GRID2: variants seen among roughly 807,000 people sequenced by gnomAD.
GRID2 encodes glutamate ionotropic receptor delta type subunit 2.
Under a neutral mutation model 114.8 loss-of-function variants are expected in GRID2, and 33 were observed. The ratio of observed to expected loss-of-function variants is 0.29; its 90% CI spans 0.22 to 0.38. The LOEUF (loss-of-function observed/expected upper bound fraction) is 0.38. Ranked by LOEUF, GRID2 falls within the 10% of genes least tolerant of loss-of-function variation. The pLI is 1.00. For synonymous variants in GRID2, 505 were observed against 449.9 expected, an observed-to-expected ratio of 1.12 and a Z score of -1.55; for missense variants, 1,184 against 1,257.7, an observed-to-expected ratio of 0.94 and a Z score of 0.89.
chr4:93,792,604 C>T (rs184651696), intron 1 of GRID2, among the ~76,000 whole-genome samples: 1 of 152,218 alleles, frequency 6.6e-6, no homozygotes, highest in African/African-American at 2.4e-5. Flanking sequence ...CCCTACCACA[C>T]CCCTTTCACC....
At chr4:92,428,086 TC>T (rs1389044561) in intron 1 of GRID2, among the ~76,000 whole-genome samples, 18 of 151,650 alleles carry the variant, frequency 1.2e-4, no homozygotes, top group African/African-American at 3.9e-4. Context: ...CACGGTGAAA[TC>T]CCGTCTCTAC....
At chr4:93,102,157 C>G (rs927767562) in intron 3 of GRID2, among the ~76,000 whole-genome samples, 1 of 152,192 alleles carries the variant, frequency 6.6e-6, no homozygotes, top group Admixed American at 6.5e-5. Context: ...TAGGGAACAG[C>G]TGCCTTGCCT....
chr4:92,490,845 T>A (rs1001939289), intron 1 of GRID2, among the ~76,000 whole-genome samples: 1 of 152,018 alleles, frequency 6.6e-6, no homozygotes, highest in Non-Finnish European at 1.5e-5. Context: ...AGAAACAAAT[T>A]TAAAATACCA....
chr4:93,206,114 G>A (rs989383428), intron 4 of GRID2, among the ~76,000 whole-genome samples: 1 of 151,736 alleles, frequency 6.6e-6, no homozygotes, highest in Non-Finnish European at 1.5e-5. Context: ...ATAAAGCTTA[G>A]AAGTAGATAA....
chr4:93,524,159 T>G (rs1730606698), intron 13 of GRID2, among the ~76,000 whole-genome samples: 1 of 152,008 alleles, frequency 6.6e-6, no homozygotes, highest in South Asian at 2.1e-4. Context: ...ATAAACAAAC[T>G]GAAAATGGCT....
intron 8 of GRID2, among the ~76,000 whole-genome samples, chr4:93,302,416 C>G (rs1754972516): frequency 6.6e-6 from 1 of 152,204 alleles, no homozygotes; most frequent in Non-Finnish European, 1.5e-5. Context: ...AATACAGCAG[C>G]CAGGGGTCTT....
Position 92,713,171 on chromosome 4 carries a change from G to A in GRID2, c.244+122885G>A, listed in dbSNP as rs1163530266. ...CTCCCCCCACCCCACAACAGGCCCC[G>A]GTATGTGATGTTCATAGGTGGGAAT... On this transcript the variant is annotated intron_variant, in intron 2 of 15. Transcript: ENST00000282020. Among the ~76,000 whole-genome samples, 12 of 146,574 alleles carry A rather than the reference G, an allele frequency of 8.2e-5. No homozygotes were observed. The South Asian group carries it at 1.8e-3, about 22-fold the overall frequency.
At chr4:92,802,289 GAC>G (rs1740210046) in intron 2 of GRID2, among the ~76,000 whole-genome samples, 1 of 151,796 alleles carries the variant, frequency 6.6e-6, no homozygotes, top group African/African-American at 2.4e-5. Context: ...TACTTACATT[GAC>G]ACATTATTAT....
At chr4:93,216,181 A>G (rs1318152736) in intron 5 of GRID2, among the ~76,000 whole-genome samples, 1 of 110,284 alleles carries the variant, frequency 9.1e-6, no homozygotes, top group African/African-American at 3.9e-5. Flanking sequence ...CAACAATTCT[A>G]ATAAATTATT....
chr4:92,461,192 T>C (rs531899866), intron 1 of GRID2, among the ~76,000 whole-genome samples: 54 of 152,102 alleles, frequency 3.6e-4, no homozygotes, highest in African/African-American at 1.3e-3. Context: ...ACATCAAGTA[T>C]ACCCATTAAA....
chr4:93,463,077 C>T (rs1475377568), intron 11 of GRID2, among the ~76,000 whole-genome samples: 1 of 152,118 alleles, frequency 6.6e-6, no homozygotes, highest in Non-Finnish European at 1.5e-5. Flanking sequence ...CAGTCCTTAA[C>T]AAAGGGACCA....
intron 2 of GRID2, among the ~76,000 whole-genome samples, chr4:92,889,867 T>C (rs971637111): frequency 4.6e-5 from 7 of 152,050 alleles, no homozygotes; most frequent in African/African-American, 1.7e-4. Flanking sequence ...CTTCAAACTA[T>C]ACTACAAGGC....
intron 4 of GRID2, among the ~76,000 whole-genome samples, chr4:93,134,523 G>T (rs185028605): frequency 6.6e-6 from 1 of 152,122 alleles, no homozygotes; most frequent in East Asian, 1.9e-4. Flanking sequence ...AAGAAAACTT[G>T]CTGGATATCA....
chr4:92,365,477 G>GGGTGGTGCT (rs1480757479), intron 1 of GRID2, among the ~76,000 whole-genome samples: 11 of 151,724 alleles, frequency 7.3e-5, no homozygotes, highest in African/African-American at 2.7e-4. Flanking sequence ...AACAGAGACT[G>GGGTGGTGCT]GGTGGTGCTG....
intron 9 of GRID2, among the ~76,000 whole-genome samples, chr4:93,415,180 C>A (rs906707716): frequency 1.3e-5 from 2 of 152,056 alleles, no homozygotes; most frequent in African/African-American, 4.8e-5. Context: ...TACTTGCAGA[C>A]TTCTCTCATT....
intron 2 of GRID2, among the ~76,000 whole-genome samples, chr4:92,651,372 T>C (rs1731923045): frequency 6.6e-6 from 1 of 151,934 alleles, no homozygotes. Context: ...TGAGTGGAAG[T>C]CTGTGTTGCT....
intron 13 of GRID2, among the ~76,000 whole-genome samples, chr4:93,556,741 A>G (rs945036579): frequency 6.6e-6 from 1 of 152,162 alleles, no homozygotes; most frequent in African/African-American, 2.4e-5. Context: ...CAGGAAATAT[A>G]GAGAACACCA....
At chr4:93,162,168 C>T (rs905238352) in intron 4 of GRID2, among the ~76,000 whole-genome samples, 1 of 151,686 alleles carries the variant, frequency 6.6e-6, no homozygotes, top group Non-Finnish European at 1.5e-5. Flanking sequence ...GAAATTTGAT[C>T]TCTGAATCCT....
chr4:93,542,939 T>C (rs1418249423), intron 13 of GRID2, among the ~76,000 whole-genome samples: 2 of 152,116 alleles, frequency 1.3e-5, no homozygotes, highest in Non-Finnish European at 2.9e-5. Context: ...TATATGAGCT[T>C]ACAGGTCATG....
Sources: gnomAD v4.1 joint callset for allele counts (sites outside exome capture counted in the v4.1 genomes callset) on GRCh38, gnomAD v4.1.1 for gene constraint, MANE v1.5 for transcripts, NCBI Gene and HGNC (gene_info 2026-07-23, HGNC 2026-07-21) for gene names.